Variants in KCNH7 observed in about 807,000 individuals in gnomAD.
KCNH7 encodes the protein voltage-gated inwardly rectifying potassium channel KCNH7.
A neutral mutation model predicts 120.8 loss-of-function variants in KCNH7; 49 were observed. The observed-to-expected ratio is 0.41, with a 90% CI of 0.32 to 0.51. The LOEUF (loss-of-function observed/expected upper bound fraction) is 0.51, where lower values mean the gene tolerates loss of function less well. Among genes scored for constraint, KCNH7 ranks in the 20% least tolerant of loss-of-function variants. KCNH7 has a pLI of 0.38. For missense variants in KCNH7, 1,097 were observed against 1,446.6 expected, an observed-to-expected ratio of 0.76 and a Z score of 3.92; for synonymous variants, 547 against 516.1, an observed-to-expected ratio of 1.06 and a Z score of -0.81.
intron 2 of KCNH7, among the ~76,000 whole-genome samples, chr2:162,670,342 C>T (rs1380709140): frequency 2.0e-5 from 3 of 150,260 alleles, no homozygotes; most frequent in Non-Finnish European, 4.4e-5. Context: ...GGTGTGGTGG[C>T]GCATGCCTGT....
At chr2:162,423,265 G>C in intron 9 of KCNH7, 71 bp downstream of exon 9, 2 of 1,608,966 alleles carry the variant, frequency 1.2e-6, no homozygotes, top group East Asian at 2.2e-5. Context: ...TGGTGATTCC[G>C]GCTTTTATTC....
At chr2:162,561,159 A>G (rs1693050731) in intron 2 of KCNH7, among the ~76,000 whole-genome samples, 1 of 151,562 alleles carries the variant, frequency 6.6e-6, no homozygotes, top group South Asian at 2.1e-4. Flanking sequence ...ATTTTTGTTT[A>G]TATTCTATCA....
chr2:162,752,612 A>G (rs924454927), intron 2 of KCNH7, among the ~76,000 whole-genome samples: 2 of 151,900 alleles, frequency 1.3e-5, no homozygotes, highest in Non-Finnish European at 2.9e-5. Context: ...AAGATTAAGA[A>G]CCCCTGCCAG....
At chr2:162,445,723 A>G (rs1238386140) in intron 7 of KCNH7, among the ~76,000 whole-genome samples, 1 of 152,302 alleles carries the variant, frequency 6.6e-6, no homozygotes, top group South Asian at 2.1e-4. Flanking sequence ...CGTGAAGTTA[A>G]TAAGTAGAGA....
chr2:162,425,626 C>T (rs998618017), intron 8 of KCNH7, among the ~76,000 whole-genome samples: 3 of 152,098 alleles, frequency 2.0e-5, no homozygotes, highest in African/African-American at 7.2e-5. Context: ...CTATCATGTG[C>T]TCAGGAAGTA....
intron 2 of KCNH7, among the ~76,000 whole-genome samples, chr2:162,616,752 G>A (rs967053673): frequency 1.5e-4 from 23 of 152,148 alleles, no homozygotes; most frequent in Admixed American, 3.3e-4. Flanking sequence ...GGATTTCTCT[G>A]TGACATGGGG....
rs577410758 is a variant in KCNH7, at chr2:162,716,050, C to T, written c.307+120487G>A. Among the ~76,000 whole-genome samples the T allele has an allele frequency of 6.6e-5, 10 of 151,486 alleles. No individual in the cohort carries two copies. The East Asian group carries it at 1.9e-3, about 29-fold the overall frequency. ...AAACAAATTAAAAATTTTATTATTC[C>T]TTACTTTTCCTTCATTGCTGTGCTT... On this transcript the variant is annotated intron_variant, in intron 2 of 15. Coordinates refer to ENST00000332142, the MANE Select transcript of KCNH7 (RefSeq NM_033272.4).
chr2:162,617,158 T>C (rs1259228212), intron 2 of KCNH7, among the ~76,000 whole-genome samples: 3 of 152,150 alleles, frequency 2.0e-5, no homozygotes, highest in African/African-American at 7.2e-5. Flanking sequence ...ATGAAGATCT[T>C]GGGCAGGTTA....
chr2:162,802,786 C>T (rs937351230), intron 2 of KCNH7, among the ~76,000 whole-genome samples: 6 of 151,690 alleles, frequency 4.0e-5, no homozygotes, highest in Non-Finnish European at 7.4e-5. Flanking sequence ...TAAAGAACAT[C>T]TCAATTCAGA....
chr2:162,763,099 G>T (rs887784799), intron 2 of KCNH7, among the ~76,000 whole-genome samples: 2 of 151,906 alleles, frequency 1.3e-5, no homozygotes, highest in African/African-American at 2.4e-5. Context: ...AGAATTTCAG[G>T]AATCATGCCC....
At chr2:162,683,800 C>T (rs927012919) in intron 2 of KCNH7, among the ~76,000 whole-genome samples, 1 of 151,776 alleles carries the variant, frequency 6.6e-6, no homozygotes, top group Non-Finnish European at 1.5e-5. Flanking sequence ...AATGCTATAC[C>T]CATCAAGCTA....
At chr2:162,605,079 G>A (rs995281701) in intron 2 of KCNH7, among the ~76,000 whole-genome samples, 1 of 152,056 alleles carries the variant, frequency 6.6e-6, no homozygotes, top group Non-Finnish European at 1.5e-5. Context: ...TGAGGTGATA[G>A]ACAATCATTT....
At chr2:162,374,321 A>AT (rs575110909) in intron 14 of KCNH7, among the ~76,000 whole-genome samples, 128 of 152,250 alleles carry the variant, frequency 8.4e-4, no homozygotes, top group African/African-American at 3.0e-3. Context: ...ATACCAGTTT[A>AT]TTTTTTCCCT....
At chr2:162,405,776 C>A (rs908121869) in intron 9 of KCNH7, among the ~76,000 whole-genome samples, 5 of 151,782 alleles carry the variant, frequency 3.3e-5, no homozygotes, top group Non-Finnish European at 2.9e-5. Context: ...TACATTTATA[C>A]CAGTAAAATA....
At chr2:162,833,832 G>A (rs572618274) in intron 2 of KCNH7, among the ~76,000 whole-genome samples, 14 of 152,154 alleles carry the variant, frequency 9.2e-5, no homozygotes, top group Non-Finnish European at 1.6e-4. Context: ...TGCCTCGGTC[G>A]TATTTTTACT....
At chr2:162,458,393 A>G (rs1689041652) in intron 6 of KCNH7, among the ~76,000 whole-genome samples, 1 of 152,054 alleles carries the variant, frequency 6.6e-6, no homozygotes, top group Non-Finnish European at 1.5e-5. Context: ...CAAGCCACCC[A>G]CCAGCAACAT....
intron 2 of KCNH7, among the ~76,000 whole-genome samples, chr2:162,699,941 G>A (rs561626849): frequency 1.4e-4 from 22 of 152,074 alleles, no homozygotes; most frequent in Admixed American, 6.6e-4. Flanking sequence ...CCTAGGAAAC[G>A]TGACCTAGGA....
chr2:162,825,130 T>C (rs922941195), intron 2 of KCNH7, among the ~76,000 whole-genome samples: 1 of 151,938 alleles, frequency 6.6e-6, no homozygotes, highest in Non-Finnish European at 1.5e-5. Flanking sequence ...GAATCTGAGG[T>C]TTGGAAAAAT....
At chr2:162,665,630 AGAC>A (rs1398277395) in intron 2 of KCNH7, among the ~76,000 whole-genome samples, 1 of 152,138 alleles carries the variant, frequency 6.6e-6, no homozygotes, top group African/African-American at 2.4e-5. Context: ...AGAAAAAGAG[AGAC>A]TATTCCTAAC....
Sources: gnomAD v4.1 joint callset for allele counts (sites outside exome capture counted in the v4.1 genomes callset) on GRCh38, gnomAD v4.1.1 for gene constraint, MANE v1.5 for transcripts, NCBI Gene and HGNC (gene_info 2026-07-23, HGNC 2026-07-21) for gene names.